Variants in GALNTL6 observed in about 807,000 individuals in gnomAD.
GALNTL6 encodes polypeptide N-acetylgalactosaminyltransferase-like 6.
A neutral mutation model predicts 73.7 loss-of-function variants in GALNTL6; 46 were observed. The ratio of observed to expected loss-of-function variants is 0.62; its 90% confidence interval spans 0.49 to 0.80. GALNTL6 has a LOEUF of 0.80. GALNTL6 is among the 30% of genes least tolerant of loss of function. The probability of loss-of-function intolerance (pLI) is 0.00; values close to 1 mark genes in which losing one functional copy is unlikely to be tolerated. For missense variants in GALNTL6, 604 were observed against 755.0 expected, an observed-to-expected ratio of 0.80 and a Z score of 2.34; for synonymous variants, 259 against 263.7, an observed-to-expected ratio of 0.98 and a Z score of 0.17.
chr4:171,925,631 C>G (rs1247680419), intron 2 of GALNTL6, among the ~76,000 whole-genome samples: 1 of 152,134 alleles, frequency 6.6e-6, no homozygotes, highest in Non-Finnish European at 1.5e-5. Context: ...GTGACTACAT[C>G]TCCATTTTAG....
intron 5 of GALNTL6, among the ~76,000 whole-genome samples, chr4:172,605,214 T>C (rs1164470011): frequency 6.6e-6 from 1 of 152,170 alleles, no homozygotes; most frequent in Non-Finnish European, 1.5e-5. Context: ...AACTTAAACA[T>C]AGGTCTGTAA....
At position 172,560,277 on chromosome 4, in the gene GALNTL6, C is replaced by T. The variant is rs534225526; in HGVS notation, c.553+211588C>T. Among the ~76,000 whole-genome samples the T allele has an allele frequency of 3.9e-5, 6 of 152,042 alleles. No individual in the cohort carries two copies. In the South Asian group the frequency reaches 1.2e-3, roughly 32 times the overall value. On this transcript the variant is annotated intron_variant, in intron 5 of 12. Transcript: ENST00000506823. ...ATCACTGGAGGCCAGCAGTTCAAAA[C>T]CAGCCTGGTCACCATAGGGAGACCT...
At chr4:171,919,961 C>G (rs574463146) in intron 2 of GALNTL6, among the ~76,000 whole-genome samples, 283 of 152,194 alleles carry the variant, frequency 1.9e-3, no homozygotes, top group African/African-American at 6.5e-3. Flanking sequence ...TGCACACGTA[C>G]GTTTATTGCG....
At chr4:171,987,699 C>T (rs1009188346) in intron 2 of GALNTL6, among the ~76,000 whole-genome samples, 2 of 152,160 alleles carry the variant, frequency 1.3e-5, no homozygotes, top group Admixed American at 6.5e-5. Context: ...ATGAGAGGTT[C>T]TAAGAGGCGG....
chr4:172,920,258 T>C (rs905948809), intron 8 of GALNTL6, among the ~76,000 whole-genome samples: 1 of 152,234 alleles, frequency 6.6e-6, no homozygotes, highest in Admixed American at 6.5e-5. Flanking sequence ...CAAAATAAGC[T>C]GTTCTTTTTT....
chr4:172,074,461 C>A (rs922723200), intron 2 of GALNTL6, among the ~76,000 whole-genome samples: 26 of 152,082 alleles, frequency 1.7e-4, no homozygotes, highest in African/African-American at 5.8e-4. Context: ...GCCAAGAGTG[C>A]GGTTCTATCA....
rs576655184 is a variant in GALNTL6, at chr4:171,972,060, G to A, written c.138+157342G>A. On this transcript the variant is annotated intron_variant, in intron 2 of 12. Coordinates refer to ENST00000506823, the MANE Select transcript of GALNTL6 (RefSeq NM_001034845.3). ...GTGGTGCAATAATTCTCTGAAGCAA[G>A]ACCCATTGTGTGAGCATTATTTCAG... Among the ~76,000 whole-genome samples, 7 of 152,240 alleles carry A rather than the reference G, an allele frequency of 4.6e-5. No homozygotes were observed. In the South Asian group the frequency reaches 1.5e-3, roughly 32 times the overall value.
intron 2 of GALNTL6, among the ~76,000 whole-genome samples, chr4:171,950,148 T>C (rs908782119): frequency 1.3e-5 from 2 of 152,216 alleles, no homozygotes; most frequent in African/African-American, 2.4e-5. Flanking sequence ...GATTGGAATA[T>C]TGTCTTTGTC....
chr4:172,566,390 C>A (rs937712000), intron 5 of GALNTL6, among the ~76,000 whole-genome samples: 3 of 151,986 alleles, frequency 2.0e-5, no homozygotes, highest in Admixed American at 2.0e-4. Context: ...AGGTGAAACT[C>A]CAGAAAATTG....
At chr4:172,264,318 G>A (rs78278195) in intron 3 of GALNTL6, among the ~76,000 whole-genome samples, 1 of 150,690 alleles carries the variant, frequency 6.6e-6, no homozygotes, top group East Asian at 2.0e-4. Flanking sequence ...TGTCTCATAT[G>A]CTGTTTAAAA....
intron 8 of GALNTL6, among the ~76,000 whole-genome samples, chr4:172,918,240 G>T (rs1315678156): frequency 2.6e-5 from 4 of 152,030 alleles, no homozygotes; most frequent in Non-Finnish European, 4.4e-5. Flanking sequence ...GGCCTGTTGT[G>T]GGGTGGGGGG....
At chr4:172,412,949 A>C (rs570533439) in intron 5 of GALNTL6, among the ~76,000 whole-genome samples, 76 of 152,206 alleles carry the variant, frequency 5.0e-4, no homozygotes, top group Non-Finnish European at 8.1e-4. Context: ...CTCCAGAAAT[A>C]GAGCCACATT....
chr4:172,092,183 C>T (rs181045277), intron 2 of GALNTL6, among the ~76,000 whole-genome samples: 121 of 152,048 alleles, frequency 8.0e-4, no homozygotes, highest in African/African-American at 2.8e-3. Context: ...TGGACAAGAC[C>T]TAAAATGGCC....
chr4:171,911,651 A>T (rs1286259965), intron 2 of GALNTL6, among the ~76,000 whole-genome samples: 1 of 152,194 alleles, frequency 6.6e-6, no homozygotes, highest in African/African-American at 2.4e-5. Flanking sequence ...GGGAAAGAGG[A>T]TAAGGAAAGT....
In GALNTL6 at chr4:172,863,112, G is replaced by A. The variant is rs189854847; in HGVS notation, c.924-19678G>A. Reference sequence around the variant, plus strand: ...AACTTCCACATAGATTTCAGAGGGTGTATGGAAATGCCTGGATGTTCAGGC... The same window carrying A: ...AACTTCCACATAGATTTCAGAGGGTATATGGAAATGCCTGGATGTTCAGGC... On this transcript the variant is annotated intron_variant, in intron 7 of 12. Transcript: ENST00000506823. 3.6e-3 allele frequency among the ~76,000 whole-genome samples: 542 copies of A among 152,340 alleles called. 5 individuals carry two copies. The highest frequency in any genetic ancestry group is 0.012 in the African/African-American group (497 of 41,574).
chr4:172,936,952 C>A (rs1236031850), intron 9 of GALNTL6, among the ~76,000 whole-genome samples: 1 of 152,070 alleles, frequency 6.6e-6, no homozygotes, highest in African/African-American at 2.4e-5. Flanking sequence ...GAGGTTCATG[C>A]TCCTCACCAT....
intron 4 of GALNTL6, among the ~76,000 whole-genome samples, chr4:172,316,748 G>A (rs549704199): frequency 1.6e-4 from 25 of 152,292 alleles, no homozygotes; most frequent in African/African-American, 5.8e-4. Context: ...AATTCTATTG[G>A]TGAGCATGGT....
chr4:172,308,891 G>A (rs892452853), intron 3 of GALNTL6, among the ~76,000 whole-genome samples: 16 of 152,046 alleles, frequency 1.1e-4, no homozygotes, highest in African/African-American at 3.1e-4. Context: ...ATTTCAAGGC[G>A]TAACTGTGTT....
At chr4:172,027,978 T>C (rs938024999) in intron 2 of GALNTL6, among the ~76,000 whole-genome samples, 1 of 152,038 alleles carries the variant, frequency 6.6e-6, no homozygotes, top group South Asian at 2.1e-4. Context: ...AAGTGCAAAG[T>C]ATAGCGGGAA....
Sources: gnomAD v4.1 joint callset for allele counts (sites outside exome capture counted in the v4.1 genomes callset) on GRCh38, gnomAD v4.1.1 for gene constraint, MANE v1.5 for transcripts, NCBI Gene and HGNC (gene_info 2026-07-23, HGNC 2026-07-21) for gene names.